SPOCK3: variants seen among roughly 807,000 people sequenced by gnomAD.
The protein encoded by SPOCK3 is SPARC (osteonectin), cwcv and kazal like domains proteoglycan 3.
SPOCK3 carries 30 observed loss-of-function variants against 56.6 expected under a neutral mutation model. The observed-to-expected ratio is 0.53, with a 90% CI of 0.40 to 0.72. SPOCK3 has a LOEUF of 0.72. Ranked by LOEUF, SPOCK3 falls within the 30% of genes least tolerant of loss-of-function variation. The pLI, the probability that SPOCK3 is intolerant of heterozygous loss-of-function variation, is 0.00. For missense variants in SPOCK3, 527 were observed against 530.0 expected, an observed-to-expected ratio of 0.99 and a Z score of 0.06; for synonymous variants, 196 against 183.3, an observed-to-expected ratio of 1.07 and a Z score of -0.56.
At chr4:167,164,669 C>T (rs1384086864) in intron 2 of SPOCK3, among the ~76,000 whole-genome samples, 4 of 152,028 alleles carry the variant, frequency 2.6e-5, no homozygotes, top group East Asian at 3.9e-4. Context: ...TAAACTCCCA[C>T]TTATGAGTGA....
chr4:167,068,726 ATATT>A (rs1276941120), intron 2 of SPOCK3, among the ~76,000 whole-genome samples: 1 of 151,812 alleles, frequency 6.6e-6, no homozygotes, highest in Non-Finnish European at 1.5e-5. Context: ...GTTCCAGTAA[ATATT>A]TATTGTGCTC....
intron 4 of SPOCK3, among the ~76,000 whole-genome samples, chr4:166,953,168 T>C (rs1332822686): frequency 6.6e-6 from 1 of 150,622 alleles, no homozygotes; most frequent in African/African-American, 2.5e-5. Flanking sequence ...TGGGAGAAAA[T>C]TTTCGCAACC....
In SPOCK3 at chr4:167,234,071, C is replaced by T. The variant is rs550868073; in HGVS notation, c.103G>A (p.Gly35Ser). 1.2e-5 allele frequency: 20 copies of T among 1,613,934 alleles called. 1 individual carries two copies. In the South Asian group the frequency reaches 2.2e-4, roughly 18 times the overall value. ...TGTTTATCATCCAGAAAATTACCGC[C>T]GTCCGACCGCCCCCCGGCTGCAGCC... The part of the protein sequence containing the change: ...AVAAAGGRSD[G>S]GNFLDDKQWL... Residue 35 changes from glycine to serine, a missense_variant, in exon 2 of 11, where the codon GGC (glycine) becomes AGC (serine). Physicochemically the swap from Gly to Ser is moderately conservative, Grantham distance 56. Coordinates refer to ENST00000357545, the MANE Select transcript of SPOCK3 (RefSeq NM_001040159.2).
chr4:166,949,638 G>A (rs1429144037), intron 4 of SPOCK3, among the ~76,000 whole-genome samples: 1 of 152,120 alleles, frequency 6.6e-6, no homozygotes, highest in Non-Finnish European at 1.5e-5. Context: ...ATCCACAGCG[G>A]TGTTTGCAGA....
At chr4:167,160,864 C>T (rs1331461061) in intron 2 of SPOCK3, among the ~76,000 whole-genome samples, 1 of 152,164 alleles carries the variant, frequency 6.6e-6, no homozygotes, top group Non-Finnish European at 1.5e-5. Flanking sequence ...TGCATCCCTT[C>T]CTTACACCTT....
At chr4:166,893,490 C>T (rs1023161877) in intron 5 of SPOCK3, among the ~76,000 whole-genome samples, 1 of 152,036 alleles carries the variant, frequency 6.6e-6, no homozygotes, top group African/African-American at 2.4e-5. Context: ...CTGTGTTAAG[C>T]AGTTTAGATG....
chr4:166,870,821 C>T lies in SPOCK3; in HGVS notation c.589+18309G>A, dbSNP rs535495061. ...CTTGAATTATAATCCCCATAATTCC[C>T]ACATGTCGAGGGAGGGATGTGGTGG... On this transcript the variant is annotated intron_variant, in intron 6 of 10. Coordinates refer to ENST00000357545, the MANE Select transcript of SPOCK3 (RefSeq NM_001040159.2). Among the ~76,000 whole-genome samples, 9 of 152,128 alleles carry T rather than the reference C, an allele frequency of 5.9e-5. 1 individual carries two copies. The South Asian group carries it at 1.9e-3, about 32-fold the overall frequency.
chr4:166,955,251 A>G (rs188780807), intron 4 of SPOCK3, among the ~76,000 whole-genome samples: 1 of 151,470 alleles, frequency 6.6e-6, no homozygotes, highest in Admixed American at 6.6e-5. Flanking sequence ...AGAATATTGT[A>G]TTGTCATAAT....
rs549031180 is a variant in SPOCK3, at chr4:167,037,379, G to A, written c.235+25113C>T. On this transcript the variant is annotated intron_variant, in intron 3 of 10. Coordinates refer to ENST00000357545, the MANE Select transcript of SPOCK3 (RefSeq NM_001040159.2). ...TGCCTGTGGTCCCAGCTACTCAGGA[G>A]GCTGAGGCAGGAAAATCGCTTGAAC... 2.6e-5 allele frequency among the ~76,000 whole-genome samples: 4 copies of A among 152,108 alleles called. No individual in the cohort carries two copies. In the East Asian group the frequency reaches 7.8e-4, roughly 30 times the overall value.
chr4:167,052,141 A>G (rs1439321936), intron 3 of SPOCK3, among the ~76,000 whole-genome samples: 2 of 152,214 alleles, frequency 1.3e-5, no homozygotes, highest in African/African-American at 4.8e-5. Context: ...AGAACAAAAC[A>G]ATCAAAGATT....
intron 4 of SPOCK3, among the ~76,000 whole-genome samples, chr4:166,996,438 C>CTCAGCTG (rs1748388967): frequency 6.6e-6 from 1 of 152,126 alleles, no homozygotes; most frequent in Non-Finnish European, 1.5e-5. Flanking sequence ...AACAATCACC[C>CTCAGCTG]TCAGCTGTCA....
chr4:167,026,751 C>T, intron 3 of SPOCK3, among the ~76,000 whole-genome samples: 1 of 151,308 alleles, frequency 6.6e-6, no homozygotes, highest in African/African-American at 2.4e-5. Flanking sequence ...TATAATTCAT[C>T]CTGTATGTTA....
intron 2 of SPOCK3, among the ~76,000 whole-genome samples, chr4:167,116,396 AATATATATACACAAAAGTAT>A (rs1465136703): frequency 2.0e-5 from 3 of 147,760 alleles, no homozygotes; most frequent in African/African-American, 7.4e-5. Flanking sequence ...TACTTTTGTA[AATATATATACACAAAAGTAT>A]ATATATATAC....
intron 6 of SPOCK3, among the ~76,000 whole-genome samples, chr4:166,841,149 T>C (rs148483674): frequency 9.5e-4 from 145 of 152,170 alleles, no homozygotes; most frequent in African/African-American, 3.3e-3. Flanking sequence ...GTGTTGTGGG[T>C]CTGAAGTTTA....
At chr4:167,211,270 C>A (rs1043281649) in intron 2 of SPOCK3, among the ~76,000 whole-genome samples, 1 of 152,120 alleles carries the variant, frequency 6.6e-6, no homozygotes, top group Non-Finnish European at 1.5e-5. Context: ...TAGGAAGTAA[C>A]TAACTTGCAT....
intron 2 of SPOCK3, among the ~76,000 whole-genome samples, chr4:167,213,493 T>C (rs183147550): frequency 6.6e-6 from 1 of 152,304 alleles, no homozygotes; most frequent in East Asian, 1.9e-4. Flanking sequence ...GAGAAAACTT[T>C]AATATTTAAC....
At chr4:167,110,155 T>G (rs1348079889) in intron 2 of SPOCK3, among the ~76,000 whole-genome samples, 1 of 152,084 alleles carries the variant, frequency 6.6e-6, no homozygotes, top group Non-Finnish European at 1.5e-5. Context: ...TCGTTTGTGA[T>G]CTCTCATCTC....
Position 167,172,621 on chromosome 4 carries a change from A to T in SPOCK3, c.189+61364T>A, listed in dbSNP as rs1717005927. Reference sequence around the variant, plus strand: ...TTAATTTGTCCAAATGAGTTAAATCAGTTAGTTTTTATTATACTCAAGTTA... The same window carrying T: ...TTAATTTGTCCAAATGAGTTAAATCTGTTAGTTTTTATTATACTCAAGTTA... On this transcript the variant is annotated intron_variant, in intron 2 of 10. Transcript: ENST00000357545. Among the ~76,000 whole-genome samples, 3 of 152,158 alleles carry T rather than the reference A, an allele frequency of 2.0e-5. No individual in the cohort carries two copies. The South Asian group carries it at 6.2e-4, about 31-fold the overall frequency.
At chr4:166,806,092 A>G (rs181870116) in intron 6 of SPOCK3, among the ~76,000 whole-genome samples, 1 of 152,228 alleles carries the variant, frequency 6.6e-6, no homozygotes, top group East Asian at 1.9e-4. Context: ...AAATTATGTG[A>G]TATTGTTAAA....
Sources: allele counts gnomAD v4.1 joint callset (sites outside exome capture counted in the v4.1 genomes callset), GRCh38; gene constraint gnomAD v4.1.1; transcripts MANE v1.5; gene names NCBI Gene and HGNC (gene_info 2026-07-23, HGNC 2026-07-21).